The following CREB5 variants were observed in gnomAD, a reference collection of about 807,000 sequenced individuals.
CREB5 encodes the protein cAMP responsive element binding protein 5.
In CREB5, 19 loss-of-function variants were observed where a neutral mutation model predicts 57.1. That is an observed-to-expected ratio of 0.33 (90% CI 0.23 to 0.49). The LOEUF (loss-of-function observed/expected upper bound fraction) is 0.49, where lower values mean the gene tolerates loss of function less well. Ranked by LOEUF, CREB5 falls within the 20% of genes least tolerant of loss-of-function variation. The probability of loss-of-function intolerance (pLI) is 0.99; values close to 1 mark genes in which losing one functional copy is unlikely to be tolerated. For synonymous variants in CREB5, 238 were observed against 238.3 expected, an observed-to-expected ratio of 1.00 and a Z score of 0.01; for missense variants, 579 against 671.6, an observed-to-expected ratio of 0.86 and a Z score of 1.52.
At chr7:28,575,761 C>A (rs528902819) in intron 5 of CREB5, among the ~76,000 whole-genome samples, 1 of 152,136 alleles carries the variant, frequency 6.6e-6, no homozygotes, top group African/African-American at 2.4e-5. Context: ...TTCACAGCCC[C>A]GAGAACATTT....
chr7:28,300,482 T>C (rs950654468), intron 1 of CREB5, among the ~76,000 whole-genome samples: 6 of 152,194 alleles, frequency 3.9e-5, no homozygotes, highest in African/African-American at 1.4e-4. Flanking sequence ...ATTGAACATG[T>C]CTATGTGCCA....
intron 7 of CREB5, among the ~76,000 whole-genome samples, chr7:28,786,192 G>A (rs1281050287): frequency 6.6e-6 from 1 of 152,100 alleles, no homozygotes; most frequent in African/African-American, 2.4e-5. Flanking sequence ...CTTAAAGTTG[G>A]CTTTGATGTG....
chr7:28,351,167 T>C (rs1786177833), intron 1 of CREB5, among the ~76,000 whole-genome samples: 2 of 152,208 alleles, frequency 1.3e-5, no homozygotes, highest in African/African-American at 4.8e-5. Context: ...GCTGAACCTA[T>C]GGAAGAGTGA....
intron 7 of CREB5, among the ~76,000 whole-genome samples, chr7:28,747,630 C>G (rs1175508688): frequency 1.3e-5 from 2 of 152,158 alleles, no homozygotes; most frequent in African/African-American, 4.8e-5. Context: ...AGCCAGACAG[C>G]AGGCAAAGAA....
intron 5 of CREB5, among the ~76,000 whole-genome samples, chr7:28,597,854 C>A (rs1045936591): frequency 2.0e-5 from 3 of 152,146 alleles, no homozygotes; most frequent in Non-Finnish European, 2.9e-5. Flanking sequence ...TGTCATCAGA[C>A]CTTTTCCTGC....
intron 5 of CREB5, among the ~76,000 whole-genome samples, chr7:28,634,678 T>C (rs938913530): frequency 2.0e-5 from 3 of 152,118 alleles, no homozygotes; most frequent in African/African-American, 7.2e-5. Flanking sequence ...GAGAACCATT[T>C]TCTCTTTTTT....
intron 1 of CREB5, among the ~76,000 whole-genome samples, chr7:28,451,865 C>G (rs1214490140): frequency 3.3e-5 from 5 of 152,106 alleles, no homozygotes; most frequent in African/African-American, 1.2e-4. Flanking sequence ...AGCTCACATT[C>G]TTGAATAAGC....
intron 1 of CREB5, among the ~76,000 whole-genome samples, chr7:28,403,657 T>G (rs1344348577): frequency 1.3e-5 from 2 of 152,132 alleles, no homozygotes; most frequent in African/African-American, 2.4e-5. Context: ...GCCTTTCCTC[T>G]CAGCATGTGA....
intron 1 of CREB5, among the ~76,000 whole-genome samples, chr7:28,393,090 A>G (rs1787255805): frequency 6.6e-6 from 1 of 152,022 alleles, no homozygotes; most frequent in East Asian, 1.9e-4. Flanking sequence ...ACGCCTGGCT[A>G]ATTTTATGTT....
intron 4 of CREB5, among the ~76,000 whole-genome samples, chr7:28,547,281 T>A (rs1002867512): frequency 6.6e-5 from 10 of 152,240 alleles, no homozygotes; most frequent in South Asian, 2.1e-4. Context: ...TTCTTAGATC[T>A]CCATATCAGC....
intron 7 of CREB5, among the ~76,000 whole-genome samples, chr7:28,746,152 T>A (rs917282357): frequency 6.6e-6 from 1 of 152,222 alleles, no homozygotes; most frequent in Non-Finnish European, 1.5e-5. Flanking sequence ...ACAAAGCTAC[T>A]TTTGCAATGA....
chr7:28,658,924 A>T (rs1354202885), intron 5 of CREB5, among the ~76,000 whole-genome samples: 1 of 91,092 alleles, frequency 1.1e-5, no homozygotes, highest in African/African-American at 4.1e-5. Context: ...TCTTTAAATC[A>T]TTGCACTAAA....
intron 5 of CREB5, among the ~76,000 whole-genome samples, chr7:28,699,171 C>T: frequency 6.7e-6 from 1 of 150,374 alleles, no homozygotes. Flanking sequence ...TTCTTCCTTT[C>T]TTCTTCTTTT....
At chr7:28,753,599 C>T (rs922735143) in intron 7 of CREB5, among the ~76,000 whole-genome samples, 2 of 152,152 alleles carry the variant, frequency 1.3e-5, no homozygotes, top group Non-Finnish European at 2.9e-5. Flanking sequence ...CATTGAAATA[C>T]CTTTACATTT....
intron 5 of CREB5, among the ~76,000 whole-genome samples, chr7:28,695,863 G>A (rs1583565225): frequency 6.6e-6 from 1 of 152,088 alleles, no homozygotes; most frequent in African/African-American, 2.4e-5. Flanking sequence ...TTCCCAAACA[G>A]CCCCACTTTG....
chr7:28,658,023 G>T (rs573424715), intron 5 of CREB5, among the ~76,000 whole-genome samples: 1 of 152,212 alleles, frequency 6.6e-6, no homozygotes, highest in East Asian at 1.9e-4. Flanking sequence ...TCTATCTTAG[G>T]CTACTCTGGT....
chr7:28,683,752 C>A (rs1800716500), intron 5 of CREB5, among the ~76,000 whole-genome samples: 1 of 152,162 alleles, frequency 6.6e-6, no homozygotes, highest in Non-Finnish European at 1.5e-5. Context: ...GGAAAGCCAT[C>A]TTTACATCAC....
In CREB5 at chr7:28,651,119, G is replaced by C. The variant is rs532582872; in HGVS notation, c.465-67634G>C. Among the ~76,000 whole-genome samples, 3 of 152,134 alleles carry C rather than the reference G, an allele frequency of 2.0e-5. No homozygotes were observed. In the South Asian group the frequency reaches 6.2e-4, roughly 32 times the overall value. On this transcript the variant is annotated intron_variant, in intron 5 of 10. Transcript: ENST00000357727. ...TTTTTTTCAATTAATAGGAAAAGTGGGTTTGCACCTTCTGGCAAATTAACC... is the reference window on the plus strand; with the variant it reads ...TTTTTTTCAATTAATAGGAAAAGTGCGTTTGCACCTTCTGGCAAATTAACC...
At chr7:28,514,579 T>C (rs1177184602) in intron 4 of CREB5, among the ~76,000 whole-genome samples, 2 of 152,166 alleles carry the variant, frequency 1.3e-5, no homozygotes, top group Non-Finnish European at 1.5e-5. Flanking sequence ...GTATTTTTAG[T>C]AGAGACGGGA....
Sources: allele counts gnomAD v4.1 joint callset (sites outside exome capture counted in the v4.1 genomes callset), GRCh38; gene constraint gnomAD v4.1.1; transcripts MANE v1.5; gene names NCBI Gene and HGNC (gene_info 2026-07-23, HGNC 2026-07-21).